Variants in BMPR1A observed in about 807,000 individuals in gnomAD.
BMPR1A encodes the protein bone morphogenetic protein receptor type 1A, also known as bone morphogenetic protein receptor type-1A.
In BMPR1A, 7 loss-of-function variants were observed where a neutral mutation model predicts 66.0. The ratio of observed to expected loss-of-function variants is 0.11; its 90% CI spans 0.06 to 0.20. The LOEUF is 0.20. Among genes scored for constraint, BMPR1A ranks in the 10% least tolerant of loss-of-function variants. The pLI is 1.00. For synonymous variants in BMPR1A, 200 were observed against 229.7 expected, an observed-to-expected ratio of 0.87 and a Z score of 1.17; for missense variants, 408 against 669.1, an observed-to-expected ratio of 0.61 and a Z score of 4.31.
chr10:86,912,531 A>AG (rs1843507187), intron 8 of BMPR1A, 147 bp downstream of exon 8: 1 of 980,758 alleles, frequency 1.0e-6, no homozygotes, highest in Non-Finnish European at 1.5e-6. Flanking sequence ...CAGTATTGCA[A>AG]GGTGAAATTA....
At chr10:86,804,254 A>G (rs1375524682) in intron 1 of BMPR1A, among the ~76,000 whole-genome samples, 2 of 152,032 alleles carry the variant, frequency 1.3e-5, no homozygotes, top group African/African-American at 4.8e-5. Context: ...GTTTTCTTTT[A>G]TTTTGAGACA....
At chr10:86,792,634 A>G (rs1030134821) in intron 1 of BMPR1A, among the ~76,000 whole-genome samples, 3 of 152,128 alleles carry the variant, frequency 2.0e-5, no homozygotes, top group Non-Finnish European at 2.9e-5. Flanking sequence ...TGTCTCTATA[A>G]AACAAACAAA....
chr10:86,776,075 C>T (rs964003711), intron 1 of BMPR1A, among the ~76,000 whole-genome samples: 1 of 152,186 alleles, frequency 6.6e-6, no homozygotes, highest in Non-Finnish European at 1.5e-5. Flanking sequence ...ATGTTTTAAG[C>T]AGCCTCTGTT....
intron 7 of BMPR1A, among the ~76,000 whole-genome samples, chr10:86,905,853 AAG>A (rs2133495979): frequency 6.6e-6 from 1 of 152,222 alleles, no homozygotes; most frequent in South Asian, 2.1e-4. Context: ...TTTAATAAGA[AAG>A]AAACATTTTC....
chr10:86,851,666 A>G (rs1014715847), intron 2 of BMPR1A, among the ~76,000 whole-genome samples: 1 of 152,164 alleles, frequency 6.6e-6, no homozygotes, highest in Non-Finnish European at 1.5e-5. Context: ...TGAAGAGAAC[A>G]TTGTAGTTAC....
At chr10:86,767,875 A>G (rs1841193401) in intron 1 of BMPR1A, among the ~76,000 whole-genome samples, 1 of 152,136 alleles carries the variant, frequency 6.6e-6, no homozygotes, top group Admixed American at 6.6e-5. Flanking sequence ...ATTTGGCACC[A>G]CACCTAAACA....
intron 2 of BMPR1A, among the ~76,000 whole-genome samples, chr10:86,854,037 G>C (rs1023554028): frequency 2.0e-5 from 3 of 152,162 alleles, no homozygotes; most frequent in Admixed American, 1.3e-4. Flanking sequence ...CTACAGTCTC[G>C]ACCATAGAAG....
intron 10 of BMPR1A, among the ~76,000 whole-genome samples, chr10:86,919,709 G>A (rs1172248727): frequency 2.0e-5 from 3 of 148,644 alleles, no homozygotes; most frequent in Non-Finnish European, 1.5e-5. Context: ...TTTGTTTTTT[G>A]TTTTTTGTTT....
intron 3 of BMPR1A, among the ~76,000 whole-genome samples, chr10:86,886,828 C>CTTT (rs10572910): frequency 1.3e-5 from 1 of 76,708 alleles, no homozygotes; most frequent in Admixed American, 1.6e-4. Flanking sequence ...TATTTTGTCA[C>CTTT]TTTTTTTTTT....
At chr10:86,851,161 T>A (rs112723978) in intron 2 of BMPR1A, among the ~76,000 whole-genome samples, 30 of 152,322 alleles carry the variant, frequency 2.0e-4, no homozygotes, top group Non-Finnish European at 3.8e-4. Context: ...GGAACGAAGT[T>A]CTTGAGCTAG....
chr10:86,864,205 C>G (rs561257309), intron 2 of BMPR1A, among the ~76,000 whole-genome samples: 2 of 152,298 alleles, frequency 1.3e-5, no homozygotes, highest in Non-Finnish European at 1.5e-5. Context: ...GCTAATTAGA[C>G]AGGCACATGC....
chr10:86,922,406 T>C (rs926123851), intron 11 of BMPR1A, among the ~76,000 whole-genome samples: 6 of 152,162 alleles, frequency 3.9e-5, no homozygotes, highest in Non-Finnish European at 8.8e-5. Flanking sequence ...TCCTTTCTTT[T>C]GGGTATACAC....
chr10:86,927,242 G>A lies in BMPR1A; in HGVS notation c.*3523G>A, dbSNP rs962708064. The A allele has an allele frequency of 1.4e-4, 26 of 190,670 alleles. No homozygotes were observed. The highest frequency in any genetic ancestry group is 8.0e-4 in the Admixed American group (13 of 16,264). 11.8% of individuals were successfully genotyped at this position (190,670 alleles called of 1,614,324 possible). ...TTGGCCCAGGATCAAATTTGATATT[G>A]AATAATTTATTCCAGGGCAGCTTTC... is the stretch of plus-strand genomic sequence containing the variant. On this transcript the variant is annotated 3_prime_UTR_variant, in exon 13 of 13. Coordinates refer to ENST00000372037, the MANE Select transcript of BMPR1A (RefSeq NM_004329.3).
At chr10:86,929,408 G>C (rs896925478), downstream of BMPR1A, 2 of 152,132 alleles carry the variant, frequency 1.3e-5, no homozygotes, top group Non-Finnish European at 2.9e-5. Flanking sequence ...ATACTTTCTT[G>C]TCATTTTCCC....
chr10:86,837,231 C>CTCTGTGTGTGTGTGTGTGTG (rs1842361614), intron 1 of BMPR1A, among the ~76,000 whole-genome samples: 1 of 143,646 alleles, frequency 7.0e-6, no homozygotes. Flanking sequence ...TAGAATCAGG[C>CTCTGTGTGTGTGTGTGTGTG]TGTGTGTGTG....
At chr10:86,868,640 G>C (rs1346447435) in intron 2 of BMPR1A, among the ~76,000 whole-genome samples, 1 of 152,188 alleles carries the variant, frequency 6.6e-6, no homozygotes, top group Non-Finnish European at 1.5e-5. Context: ...TATGGAATTG[G>C]CTGCTGGCCA....
intron 1 of BMPR1A, among the ~76,000 whole-genome samples, chr10:86,829,879 T>C (rs1054721393): frequency 3.9e-5 from 6 of 152,218 alleles, no homozygotes; most frequent in African/African-American, 1.4e-4. Flanking sequence ...TTCAGTTTTT[T>C]GTGTGGACAT....
Position 86,819,493 on chromosome 10 carries a change from G to C in BMPR1A, c.-267-19372G>C, listed in dbSNP as rs368159237. On this transcript the variant is annotated intron_variant, in intron 1 of 12. Coordinates refer to ENST00000372037, the MANE Select transcript of BMPR1A (RefSeq NM_004329.3). ...TTTTTGTATTTTTAGTAGAGATGGGGTTTCATCATTTTGGCCAGGATGGTC... is the reference window on the plus strand; with the variant it reads ...TTTTTGTATTTTTAGTAGAGATGGGCTTTCATCATTTTGGCCAGGATGGTC... Among the ~76,000 whole-genome samples, 10 of 152,202 alleles carry C rather than the reference G, an allele frequency of 6.6e-5. No homozygotes were observed. In the East Asian group the frequency reaches 1.4e-3, roughly 21 times the overall value.
At chr10:86,760,394 C>T (rs377180938) in intron 1 of BMPR1A, among the ~76,000 whole-genome samples, 8 of 151,448 alleles carry the variant, frequency 5.3e-5, no homozygotes, top group Non-Finnish European at 1.0e-4. Flanking sequence ...GCTGGGACCA[C>T]GCCTGGCTAA....
Sources: gnomAD v4.1 joint callset for allele counts (sites outside exome capture counted in the v4.1 genomes callset) on GRCh38, gnomAD v4.1.1 for gene constraint, MANE v1.5 for transcripts, NCBI Gene and HGNC (gene_info 2026-07-23, HGNC 2026-07-21) for gene names.